The following ABTB3 variants were observed in gnomAD, a reference collection of about 807,000 sequenced individuals.
ABTB3 encodes the protein ankyrin repeat- and BTB/POZ domain-containing protein 3.
the ABTB3 span, among the ~76,000 whole-genome samples, chr12:107,570,220 AT>A: frequency 1.3e-5 from 2 of 151,368 alleles, no homozygotes; most frequent in Non-Finnish European, 2.9e-5. Context: ...ACTTTCTTTT[AT>A]TTTTTTTTCC....
the ABTB3 span, among the ~76,000 whole-genome samples, chr12:107,580,410 G>A: frequency 4.6e-5 from 7 of 152,320 alleles, no homozygotes; most frequent in African/African-American, 1.4e-4. Flanking sequence ...GTCTCAATGC[G>A]TGCAACAAGC....
chr12:107,564,377 T>C, the ABTB3 span, among the ~76,000 whole-genome samples: 1 of 152,282 alleles, frequency 6.6e-6, no homozygotes, highest in East Asian at 1.9e-4. Context: ...TTTTTCTCCT[T>C]GAGGCTTAAA....
chr12:107,407,555 C>T, the ABTB3 span, among the ~76,000 whole-genome samples: 24,681 of 152,100 alleles, frequency 0.16, 3,911 homozygotes, highest in East Asian at 0.42. Flanking sequence ...GGCAAGGCCT[C>T]GTCAGCCTTG....
At chr12:107,654,305 G>T in the ABTB3 span, among the ~76,000 whole-genome samples, 1 of 151,888 alleles carries the variant, frequency 6.6e-6, no homozygotes, top group African/African-American at 2.4e-5. Flanking sequence ...CTTTGTTTTT[G>T]TTTGTTTGTT....
the ABTB3 span, chr12:107,580,743 A>G: frequency 7.4e-7 from 1 of 1,354,682 alleles, no homozygotes; most frequent in Non-Finnish European, 9.8e-7. Context: ...AGGGAGCCCC[A>G]AATAGAAATA....
At chr12:107,457,431 A>T in the ABTB3 span, among the ~76,000 whole-genome samples, 1 of 152,318 alleles carries the variant, frequency 6.6e-6, no homozygotes, top group South Asian at 2.1e-4. Context: ...CACCATGGCA[A>T]TTTCGAAGAC....
chr12:107,637,982 C>T, the ABTB3 span, among the ~76,000 whole-genome samples: 5 of 152,084 alleles, frequency 3.3e-5, no homozygotes, highest in South Asian at 1.0e-3. Flanking sequence ...AGGCAGGTTA[C>T]CGAGCAGAGA....
the ABTB3 span, among the ~76,000 whole-genome samples, chr12:107,646,712 C>T: frequency 5.4e-4 from 83 of 152,302 alleles, 2 homozygotes; most frequent in South Asian, 0.017. Flanking sequence ...GTACACACTG[C>T]AGTCTGTTTG....
the ABTB3 span, among the ~76,000 whole-genome samples, chr12:107,372,567 A>G: frequency 6.6e-6 from 1 of 152,114 alleles, no homozygotes; most frequent in African/African-American, 2.4e-5. Context: ...AATCAGCATA[A>G]TAAACCCCTG....
At chr12:107,600,313 G>A in the ABTB3 span, among the ~76,000 whole-genome samples, 2 of 152,172 alleles carry the variant, frequency 1.3e-5, no homozygotes, top group African/African-American at 4.8e-5. Flanking sequence ...ACAGTCCACA[G>A]TTTATGAGAT....
the ABTB3 span, among the ~76,000 whole-genome samples, chr12:107,343,784 T>C: frequency 2.0e-5 from 3 of 152,164 alleles, no homozygotes; most frequent in African/African-American, 7.2e-5. Flanking sequence ...AGGCACCGTC[T>C]TCACAGGCAG....
chr12:107,480,911 AATTG>A, the ABTB3 span, among the ~76,000 whole-genome samples: 13 of 152,258 alleles, frequency 8.5e-5, no homozygotes, highest in East Asian at 2.3e-3. Flanking sequence ...AAAAGAGACA[AATTG>A]ATTGATAGAG....
At chr12:107,349,257 GC>G in the ABTB3 span, among the ~76,000 whole-genome samples, 2 of 152,192 alleles carry the variant, frequency 1.3e-5, no homozygotes, top group African/African-American at 4.8e-5. Context: ...CTTAGGGAGA[GC>G]CTGGCCTCAT....
the ABTB3 span, among the ~76,000 whole-genome samples, chr12:107,417,032 C>G: frequency 1.3e-5 from 2 of 152,194 alleles, no homozygotes; most frequent in African/African-American, 4.8e-5. Flanking sequence ...TAAAGAGGAT[C>G]AAATTTGACA....
the ABTB3 span, among the ~76,000 whole-genome samples, chr12:107,463,409 C>T: frequency 6.6e-6 from 1 of 152,064 alleles, no homozygotes; most frequent in East Asian, 1.9e-4. Flanking sequence ...CTGATGAACA[C>T]TGACAATGTA....
chr12:107,324,385 T>A, the ABTB3 span, among the ~76,000 whole-genome samples: 1 of 152,110 alleles, frequency 6.6e-6, no homozygotes, highest in Non-Finnish European at 1.5e-5. Flanking sequence ...TAGCTTATTT[T>A]GGGGAGGCTG....
the ABTB3 span, among the ~76,000 whole-genome samples, chr12:107,451,684 C>T: frequency 1.3e-5 from 2 of 151,964 alleles, no homozygotes; most frequent in African/African-American, 2.4e-5. Context: ...TCCTTCCCCC[C>T]AGTTTTCCTG....
the ABTB3 span, chr12:107,642,245 T>A: frequency 2.9e-6 from 4 of 1,398,202 alleles, no homozygotes; most frequent in Non-Finnish European, 4.0e-6. Flanking sequence ...ATCCTCAGCC[T>A]GAGGATTGGC....
the ABTB3 span, among the ~76,000 whole-genome samples, chr12:107,387,430 C>T: frequency 6.6e-6 from 1 of 152,158 alleles, no homozygotes; most frequent in Non-Finnish European, 1.5e-5. Flanking sequence ...TGAGGGACTG[C>T]TATGTGTCAA....
Sources: gnomAD v4.1 joint callset for allele counts (sites outside exome capture counted in the v4.1 genomes callset) on GRCh38, gnomAD v4.1.1 for gene constraint, MANE v1.5 for transcripts, NCBI Gene and HGNC (gene_info 2026-07-23, HGNC 2026-07-21) for gene names.